Variants in CBFB observed in about 807,000 individuals in gnomAD.
The protein encoded by CBFB is CBF-beta.
A neutral mutation model predicts 30.4 loss-of-function variants in CBFB; 9 were observed. The observed-to-expected ratio is 0.30, with a 90% CI of 0.18 to 0.52. The LOEUF is 0.52. Among genes scored for constraint, CBFB ranks in the 20% least tolerant of loss-of-function variants. CBFB has a pLI of 0.97. For missense variants in CBFB, 170 were observed against 244.0 expected (o/e 0.70, Z 2.02); for synonymous variants, 94 against 84.0 (o/e 1.12, Z -0.65).
rs777213321 is a variant in CBFB at position 67,092,698 on chromosome 16, C to CTTTTTTTTTTT, written c.496-5990_496-5980dup. On this transcript the variant is annotated intron_variant, in intron 5 of 5. Coordinates refer to ENST00000412916, the MANE Select transcript of CBFB (RefSeq NM_022845.3). ...CCAGGCTAGGTTACAGTGGTGCAATCTTTTTTTTTTTTTTTTTTTTTTTTT... is the reference window on the plus strand; with the variant it reads ...CCAGGCTAGGTTACAGTGGTGCAATCTTTTTTTTTTTTTTTTTTTTTTTTTTTTTTTTTTTT... 2.1e-4 allele frequency among the ~76,000 whole-genome samples: 7 copies of CTTTTTTTTTTT among 33,530 alleles called. 2 individuals carry two copies. Among genetic ancestry groups the CTTTTTTTTTTT allele is most frequent in the African/African-American group, 8.0e-4 (7 of 8,720 alleles). 22.0% of individuals were successfully genotyped at this position (33,530 alleles called of 152,430 possible). A position where few individuals can be genotyped will look rare whatever the true frequency, so the allele number is the denominator to read the frequency against.
At chr16:67,035,286 T>C (rs1165001352) in intron 2 of CBFB, among the ~76,000 whole-genome samples, 1 of 152,190 alleles carries the variant, frequency 6.6e-6, no homozygotes, top group Non-Finnish European at 1.5e-5. Flanking sequence ...GGTTTCACCA[T>C]GTTGGCCAGG....
intron 4 of CBFB, among the ~76,000 whole-genome samples, chr16:67,073,648 A>C (rs984124502): frequency 6.6e-6 from 1 of 152,140 alleles, no homozygotes; most frequent in African/African-American, 2.4e-5. Context: ...AGGCTGAGGC[A>C]GGAGAATTAC....
At chr16:67,054,036 T>C (rs932713987) in intron 3 of CBFB, among the ~76,000 whole-genome samples, 1 of 152,140 alleles carries the variant, frequency 6.6e-6, no homozygotes, top group Non-Finnish European at 1.5e-5. Flanking sequence ...ATCCTCAGAA[T>C]GTCCATCTCT....
At chr16:67,092,135 T>C (rs1042543310) in intron 5 of CBFB, among the ~76,000 whole-genome samples, 2 of 151,952 alleles carry the variant, frequency 1.3e-5, no homozygotes, top group African/African-American at 4.8e-5. Flanking sequence ...CCTGTGTCCA[T>C]GTGTTCTAAT....
chr16:67,032,045 T>G (rs564244621), intron 2 of CBFB, among the ~76,000 whole-genome samples: 1 of 152,312 alleles, frequency 6.6e-6, no homozygotes, highest in South Asian at 2.1e-4. Context: ...TTTGGAAATT[T>G]GGTGAATCAT....
chr16:67,085,244 A>C (rs1261743382), intron 5 of CBFB, among the ~76,000 whole-genome samples: 3 of 151,816 alleles, frequency 2.0e-5, no homozygotes, highest in African/African-American at 7.3e-5. Context: ...ATGTCGGCTC[A>C]CCGCAACCTC....
At chr16:67,035,125 G>A (rs1966421478) in intron 2 of CBFB, among the ~76,000 whole-genome samples, 1 of 151,980 alleles carries the variant, frequency 6.6e-6, no homozygotes, top group Admixed American at 6.6e-5. Context: ...TGTTGTCCAG[G>A]CTGGAGCACA....
intron 3 of CBFB, among the ~76,000 whole-genome samples, chr16:67,041,900 CTTTTTT>C (rs577858550): frequency 8.0e-6 from 1 of 125,194 alleles, no homozygotes; most frequent in African/African-American, 3.0e-5. Flanking sequence ...TCCTGCCCTT[CTTTTTT>C]TTTTTTTTTT....
At chr16:67,069,430 T>C (rs924531087) in intron 4 of CBFB, among the ~76,000 whole-genome samples, 1 of 151,296 alleles carries the variant, frequency 6.6e-6, no homozygotes, top group African/African-American at 2.4e-5. Context: ...GTTCACAGAC[T>C]AAATGGTAGA....
chr16:67,083,892 G>A (rs1961639926), intron 5 of CBFB, among the ~76,000 whole-genome samples: 1 of 152,026 alleles, frequency 6.6e-6, no homozygotes, highest in Admixed American at 6.6e-5. Context: ...TCTAGGGCCA[G>A]ATGCTATGGC....
chr16:67,057,710 C>T (rs1461385510), intron 3 of CBFB, among the ~76,000 whole-genome samples: 2 of 151,952 alleles, frequency 1.3e-5, no homozygotes, highest in Non-Finnish European at 2.9e-5. Flanking sequence ...TTGTTCTAAA[C>T]TATTCTTTTC....
intron 3 of CBFB, among the ~76,000 whole-genome samples, chr16:67,040,124 T>G (rs1966505477): frequency 6.6e-6 from 1 of 152,214 alleles, no homozygotes; most frequent in African/African-American, 2.4e-5. Context: ...GAGCTCAGAC[T>G]GTGGGGTCTC....
In CBFB at chr16:67,099,651, C is replaced by G. The variant is rs916476096; in HGVS notation, c.*873C>G. ...GTTGGAGATATTCTCCATAGATGAT[C>G]TTCTACTGAAATGCCTAAAGAAGTC... On this transcript the variant is annotated 3_prime_UTR_variant, in exon 6 of 6. Coordinates refer to ENST00000412916, the MANE Select transcript of CBFB (RefSeq NM_022845.3). 6.4e-5 allele frequency: 13 copies of G among 204,064 alleles called. No homozygotes were observed. Among genetic ancestry groups the G allele is most frequent in the Non-Finnish European group, 1.1e-4 (11 of 99,464 alleles). 12.6% of individuals were successfully genotyped at this position (204,064 alleles called of 1,614,324 possible). A position where few individuals can be genotyped will look rare whatever the true frequency, so the allele number is the denominator to read the frequency against.
At chr16:67,096,869 G>C (rs1962062445) in intron 5 of CBFB, among the ~76,000 whole-genome samples, 2 of 150,918 alleles carry the variant, frequency 1.3e-5, no homozygotes, top group South Asian at 2.1e-4. Flanking sequence ...AGCTACTCGG[G>C]AGGCGGAGCT....
intron 4 of CBFB, among the ~76,000 whole-genome samples, chr16:67,080,339 G>A (rs1961520762): frequency 6.6e-6 from 1 of 151,776 alleles, no homozygotes; most frequent in South Asian, 2.1e-4. Context: ...TGAACTAGGA[G>A]GAAACTTTTT....
chr16:67,087,297 A>G (rs917527065), intron 5 of CBFB, among the ~76,000 whole-genome samples: 1 of 152,194 alleles, frequency 6.6e-6, no homozygotes, highest in African/African-American at 2.4e-5. Context: ...GGTGGCTCAC[A>G]CCTTTAATCT....
rs1422417404 is a variant in CBFB, at chr16:67,029,331, G to C, written c.-77G>C. 67 of 1,049,008 alleles carry C rather than the reference G, an allele frequency of 6.4e-5. No homozygotes were observed. The highest frequency in any genetic ancestry group is 8.1e-5 in the Non-Finnish European group (65 of 799,776). 65.0% of individuals were successfully genotyped at this position (1,049,008 alleles called of 1,614,324 possible). On this transcript the variant is annotated 5_prime_UTR_variant, in exon 1 of 6. Transcript: ENST00000412916. ...GGGCGCCGCGGGTGGGCGGTCAGTC[G>C]GTCAGCGCGGAGCCAGCCAGCGGGT...
chr16:67,095,419 AGGC>A (rs1962017332), intron 5 of CBFB, among the ~76,000 whole-genome samples: 1 of 152,078 alleles, frequency 6.6e-6, no homozygotes, highest in Non-Finnish European at 1.5e-5. Context: ...TGGGAGGCTG[AGGC>A]AGGGGAATTG....
chr16:67,039,880 T>C (rs1440104266), intron 3 of CBFB, among the ~76,000 whole-genome samples: 4 of 152,200 alleles, frequency 2.6e-5, no homozygotes, highest in African/African-American at 4.8e-5. Context: ...ATGGTGACAC[T>C]GGTAGAAATC....
Sources: allele counts gnomAD v4.1 joint callset (sites outside exome capture counted in the v4.1 genomes callset), GRCh38; gene constraint gnomAD v4.1.1; transcripts MANE v1.5; gene names NCBI Gene and HGNC (gene_info 2026-07-23, HGNC 2026-07-21).